The following CORIN variants were observed in gnomAD, a reference collection of about 807,000 sequenced individuals.
CORIN encodes atrial natriuretic peptide-converting enzyme.
CORIN carries 117 observed loss-of-function variants against 125.3 expected under a neutral mutation model. The observed-to-expected ratio is 0.93, with a 90% CI of 0.80 to 1.09. The LOEUF (loss-of-function observed/expected upper bound fraction) is 1.09, where lower values mean the gene tolerates loss of function less well. Among genes scored for constraint, CORIN ranks in the 50% least tolerant of loss-of-function variants. The pLI is 0.00. For synonymous variants in CORIN, 450 were observed against 466.4 expected (o/e 0.96, Z 0.45); for missense variants, 1,253 against 1,306.7 (o/e 0.96, Z 0.63).
Position 47,786,732 on chromosome 4 carries a change from C to T in CORIN, c.402G>A (p.Arg134=), listed in dbSNP as rs1730831981. The change falls in exon 3 of 22, where the codon AGG becomes AGA. Residue 134 remains arginine, a synonymous_variant. Coordinates refer to ENST00000273857, the MANE Select transcript of CORIN (RefSeq NM_006587.4). ...DASLPGDQSH[R]NTSACMNITH... The stretch of plus-strand genomic sequence containing the variant: ...TATCACCTTTGGACTTACTTGTATT[C>T]CTGTGACTTTGGTCCCCTGGGAGAG... 5 of 1,613,766 alleles carry T rather than the reference C, an allele frequency of 3.1e-6. No individual in the cohort carries two copies. In the African/African-American group the frequency reaches 6.7e-5, roughly 22 times the overall value.
At chr4:47,660,091 AC>A (rs1724176274) in intron 12 of CORIN, among the ~76,000 whole-genome samples, 1 of 152,236 alleles carries the variant, frequency 6.6e-6, no homozygotes, top group Admixed American at 6.5e-5. Flanking sequence ...TGGGGAAAGG[AC>A]AGTCTCTTCA....
chr4:47,642,419 A>G (rs1005176191), intron 15 of CORIN, among the ~76,000 whole-genome samples: 3 of 152,266 alleles, frequency 2.0e-5, no homozygotes, highest in Admixed American at 6.5e-5. Context: ...TCAAGAAAGT[A>G]TACGAGAACG....
intron 3 of CORIN, among the ~76,000 whole-genome samples, chr4:47,783,354 C>T (rs1168374474): frequency 1.3e-5 from 2 of 151,914 alleles, no homozygotes; most frequent in African/African-American, 2.4e-5. Context: ...TCCAGAAGTA[C>T]CAGATGTCAC....
chr4:47,629,492 A>G (rs1722721489), intron 16 of CORIN, among the ~76,000 whole-genome samples: 1 of 152,152 alleles, frequency 6.6e-6, no homozygotes, highest in African/African-American at 2.4e-5. Context: ...TATAAAAGTA[A>G]TACTTGTACA....
intron 19 of CORIN, among the ~76,000 whole-genome samples, chr4:47,606,007 A>C (rs893510867): frequency 6.6e-6 from 1 of 152,152 alleles, no homozygotes; most frequent in Admixed American, 6.5e-5. Flanking sequence ...TCCATTAAAC[A>C]AATAGTAATT....
At chr4:47,760,817 GATCTTAGCTAA>G (rs1220024690) in intron 4 of CORIN, among the ~76,000 whole-genome samples, 4 of 152,276 alleles carry the variant, frequency 2.6e-5, no homozygotes, top group Admixed American at 2.6e-4. Flanking sequence ...CTTTATCAAT[GATCTTAGCTAA>G]ATCTTCTAGA....
At chr4:47,669,973 T>A (rs35736575) in intron 10 of CORIN, among the ~76,000 whole-genome samples, 1 of 152,070 alleles carries the variant, frequency 6.6e-6, no homozygotes, top group Non-Finnish European at 1.5e-5. Flanking sequence ...TCGTAGTCTT[T>A]GGGTTCCTCC....
intron 5 of CORIN, among the ~76,000 whole-genome samples, chr4:47,713,106 A>C (rs1464649372): frequency 6.6e-6 from 1 of 152,206 alleles, no homozygotes; most frequent in Admixed American, 6.5e-5. Flanking sequence ...GAAAACAATA[A>C]AACTTTCTTC....
chr4:47,601,394 T>A (rs1030690139), intron 20 of CORIN, among the ~76,000 whole-genome samples: 4 of 151,768 alleles, frequency 2.6e-5, no homozygotes, highest in African/African-American at 9.7e-5. Flanking sequence ...AGCCTCCACC[T>A]TGGCTCAAGA....
chr4:47,745,033 C>T (rs977085869), intron 4 of CORIN, among the ~76,000 whole-genome samples: 2 of 152,122 alleles, frequency 1.3e-5, no homozygotes, highest in Non-Finnish European at 2.9e-5. Context: ...GTAAGCTGTT[C>T]CATTATTAAC....
At chr4:47,739,271 C>A (rs1728274523) in intron 5 of CORIN, among the ~76,000 whole-genome samples, 2 of 151,984 alleles carry the variant, frequency 1.3e-5, no homozygotes, top group African/African-American at 4.8e-5. Context: ...TATCAAAAAT[C>A]AGACACAGAA....
rs755276612 is a variant in CORIN, at chr4:47,665,017, A to AT, written c.1589+14dup. 4.5e-6 allele frequency: 7 copies of AT among 1,553,202 alleles called. No individual in the cohort carries two copies. Among genetic ancestry groups the AT allele is most frequent in the Non-Finnish European group, 6.2e-6 (7 of 1,124,932 alleles). On this transcript the variant is annotated intron_variant, in intron 11 of 21. Coordinates refer to ENST00000273857, the MANE Select transcript of CORIN (RefSeq NM_006587.4). ...GAGGCAAAATAAGGGACTGGGGTAG[A>AT]TCCCATCATATTACCTGCAAGGAGG...
intron 4 of CORIN, among the ~76,000 whole-genome samples, chr4:47,745,826 G>A (rs765655128): frequency 1.5e-4 from 23 of 152,228 alleles, no homozygotes; most frequent in Non-Finnish European, 4.4e-5. Flanking sequence ...TCTTAGGGCA[G>A]AGATCTTTGT....
intron 3 of CORIN, among the ~76,000 whole-genome samples, chr4:47,779,294 G>GT (rs1255927117): frequency 6.6e-6 from 1 of 152,046 alleles, no homozygotes; most frequent in Non-Finnish European, 1.5e-5. Context: ...TCCTTAACGG[G>GT]TAAGAGATTT....
At chr4:47,669,662 G>A (rs1257378222) in intron 10 of CORIN, among the ~76,000 whole-genome samples, 2 of 151,190 alleles carry the variant, frequency 1.3e-5, no homozygotes, top group African/African-American at 4.9e-5. Flanking sequence ...TCTGCCTCCT[G>A]GGTTCGCACC....
intron 17 of CORIN, among the ~76,000 whole-genome samples, chr4:47,624,291 A>G (rs1028432877): frequency 1.3e-5 from 2 of 152,206 alleles, no homozygotes; most frequent in Non-Finnish European, 2.9e-5. Context: ...TGGAACCACC[A>G]CAATGCAAAT....
At chr4:47,827,443 TGGAGCCTAAG>T (rs1732791854) in intron 1 of CORIN, among the ~76,000 whole-genome samples, 1 of 152,156 alleles carries the variant, frequency 6.6e-6, no homozygotes, top group Non-Finnish European at 1.5e-5. Context: ...GAGAAGAAAA[TGGAGCCTAAG>T]GGAAATTAAC....
At chr4:47,723,672 C>A (rs1727453418) in intron 5 of CORIN, among the ~76,000 whole-genome samples, 1 of 152,128 alleles carries the variant, frequency 6.6e-6, no homozygotes, top group South Asian at 2.1e-4. Context: ...TCAAAATGCC[C>A]AGGATATAAG....
At chr4:47,688,083 T>C (rs1450438597) in intron 6 of CORIN, among the ~76,000 whole-genome samples, 1 of 152,254 alleles carries the variant, frequency 6.6e-6, no homozygotes, top group East Asian at 1.9e-4. Context: ...CATTGCAAAA[T>C]GTCACCTAGA....
Sources: allele counts gnomAD v4.1 joint callset (sites outside exome capture counted in the v4.1 genomes callset), GRCh38; gene constraint gnomAD v4.1.1; transcripts MANE v1.5; gene names NCBI Gene and HGNC (gene_info 2026-07-23, HGNC 2026-07-21).